Variants in PDE4B observed in about 807,000 individuals in gnomAD.
PDE4B encodes phosphodiesterase 4B.
In PDE4B, 20 loss-of-function variants were observed where a neutral mutation model predicts 82.2. That is an observed-to-expected ratio of 0.24 (90% CI 0.17 to 0.35). PDE4B has a LOEUF of 0.35. PDE4B is among the 10% of genes least tolerant of loss of function. PDE4B has a pLI of 1.00. For missense variants in PDE4B, 655 were observed against 907.2 expected (o/e 0.72, Z 3.57); for synonymous variants, 320 against 318.9 (o/e 1.00, Z -0.04).
intron 3 of PDE4B, among the ~76,000 whole-genome samples, chr1:66,048,253 T>C (rs1654821473): frequency 6.6e-6 from 1 of 151,904 alleles, no homozygotes; most frequent in South Asian, 2.1e-4. Flanking sequence ...GAGTAAACTT[T>C]TCCTTTTGCA....
chr1:66,168,607 T>C (rs959617624), intron 3 of PDE4B, among the ~76,000 whole-genome samples: 6 of 152,138 alleles, frequency 3.9e-5, no homozygotes, highest in African/African-American at 1.2e-4. Flanking sequence ...ATGAGGACCG[T>C]ACCTACCGTC....
intron 7 of PDE4B, among the ~76,000 whole-genome samples, chr1:66,278,914 CA>C (rs1020601648): frequency 7.9e-5 from 12 of 152,068 alleles, no homozygotes; most frequent in African/African-American, 2.7e-4. Flanking sequence ...TTGTATATCC[CA>C]GGGGAAAATA....
intron 3 of PDE4B, among the ~76,000 whole-genome samples, chr1:66,125,053 A>G (rs1570293388): frequency 7.6e-6 from 1 of 132,252 alleles, no homozygotes; most frequent in Non-Finnish European, 1.6e-5. Context: ...TTACCTTACT[A>G]TTTTTTTTTT....
intron 3 of PDE4B, among the ~76,000 whole-genome samples, chr1:65,981,195 G>A (rs1234219708): frequency 6.6e-6 from 1 of 152,034 alleles, no homozygotes; most frequent in South Asian, 2.1e-4. Context: ...CATAAGAAAC[G>A]TTTCTAGATT....
At chr1:66,271,741 T>C (rs2101749300) in intron 7 of PDE4B, among the ~76,000 whole-genome samples, 1 of 152,314 alleles carries the variant, frequency 6.6e-6, no homozygotes, top group South Asian at 2.1e-4. Flanking sequence ...ATTGAGACCA[T>C]GAAGGGAGGT....
chr1:65,911,829 T>G (rs1490786280), intron 1 of PDE4B, among the ~76,000 whole-genome samples: 1 of 152,162 alleles, frequency 6.6e-6, no homozygotes, highest in African/African-American at 2.4e-5. Context: ...TCTTATCTAC[T>G]TTGTCAGTTT....
chr1:65,836,096 C>T (rs1646136182), intron 1 of PDE4B, among the ~76,000 whole-genome samples: 1 of 152,052 alleles, frequency 6.6e-6, no homozygotes, highest in Admixed American at 6.6e-5. Flanking sequence ...CACACACCAC[C>T]ACACCTGGCT....
intron 3 of PDE4B, among the ~76,000 whole-genome samples, chr1:66,184,894 T>G: frequency 6.6e-6 from 1 of 152,084 alleles, no homozygotes; most frequent in African/African-American, 2.4e-5. Flanking sequence ...AACGTGCATG[T>G]TTGTTGCATA....
At chr1:65,935,677 C>T (rs1411841922) in intron 3 of PDE4B, among the ~76,000 whole-genome samples, 1 of 152,160 alleles carries the variant, frequency 6.6e-6, no homozygotes, top group Non-Finnish European at 1.5e-5. Context: ...TGTGGTGGCT[C>T]ATGCCTGTAA....
rs753506416 is a variant in PDE4B at position 66,266,901 on chromosome 1, C to T, written c.634+814C>T. On this transcript the variant is annotated intron_variant, in intron 7 of 16. Transcript: ENST00000341517. ...GAGAAACAATTAAGATGAACTCACA[C>T]TGAGATCACCTAATGCCTGACACCT... 7.0e-5 allele frequency: 22 copies of T among 314,662 alleles called. No homozygotes were observed. In the Admixed American group the frequency reaches 9.5e-4, roughly 14 times the overall value. 19.5% of individuals were successfully genotyped at this position (314,662 alleles called of 1,614,324 possible). A position where few individuals can be genotyped will look rare whatever the true frequency, so the allele number is the denominator to read the frequency against.
At chr1:66,110,776 C>G (rs1391670165) in intron 3 of PDE4B, among the ~76,000 whole-genome samples, 1 of 152,060 alleles carries the variant, frequency 6.6e-6, no homozygotes, top group Non-Finnish European at 1.5e-5. Context: ...AGTAAGCACT[C>G]AATGTAAATA....
At chr1:66,258,545 G>A (rs577951851) in intron 6 of PDE4B, among the ~76,000 whole-genome samples, 15 of 152,258 alleles carry the variant, frequency 9.9e-5, no homozygotes, top group Non-Finnish European at 1.9e-4. Flanking sequence ...AAAGGTCAGA[G>A]AGTCATAGAA....
chr1:66,058,435 C>A (rs1655415849), intron 3 of PDE4B, among the ~76,000 whole-genome samples: 1 of 152,258 alleles, frequency 6.6e-6, no homozygotes, highest in African/African-American at 2.4e-5. Flanking sequence ...AGTAGGGACT[C>A]TGTGTGGGGG....
chr1:66,108,288 T>C (rs780159965), intron 3 of PDE4B, among the ~76,000 whole-genome samples: 1 of 151,914 alleles, frequency 6.6e-6, no homozygotes, highest in Non-Finnish European at 1.5e-5. Context: ...TGATTTCTTT[T>C]TTTTAGATTC....
rs1285085371 is a variant in PDE4B at position 65,928,254 on chromosome 1, T to C, written c.281+9419T>C. Among the ~76,000 whole-genome samples the C allele has an allele frequency of 7.2e-5, 11 of 152,218 alleles. No individual in the cohort carries two copies. The South Asian group carries it at 1.9e-3, about 26-fold the overall frequency. On this transcript the variant is annotated intron_variant, in intron 3 of 16. Transcript: ENST00000341517. Reference sequence around the variant, plus strand: ...AAACTGGCTCAAGTCTGGAAATCGATTGAGGGGCCATTATTCTCTGTTTTT... The same window carrying C: ...AAACTGGCTCAAGTCTGGAAATCGACTGAGGGGCCATTATTCTCTGTTTTT...
chr1:65,866,685 A>G (rs1040735054), intron 1 of PDE4B, among the ~76,000 whole-genome samples: 13 of 152,252 alleles, frequency 8.5e-5, no homozygotes, highest in Non-Finnish European at 1.2e-4. Flanking sequence ...TCCTGGAAAG[A>G]CAACAGAGGA....
intron 1 of PDE4B, among the ~76,000 whole-genome samples, chr1:65,844,001 A>G (rs1377515159): frequency 1.3e-5 from 2 of 152,264 alleles, no homozygotes; most frequent in East Asian, 3.9e-4. Flanking sequence ...TTAAAGTTTC[A>G]GGTAGTTCAG....
chr1:66,232,802 T>TTA (rs1444234959), intron 3 of PDE4B, among the ~76,000 whole-genome samples: 1 of 152,188 alleles, frequency 6.6e-6, no homozygotes, highest in Non-Finnish European at 1.5e-5. Flanking sequence ...GAGGGATTTA[T>TTA]TATGAAGTGT....
At chr1:66,097,174 C>T (rs1645134972) in intron 3 of PDE4B, among the ~76,000 whole-genome samples, 2 of 151,950 alleles carry the variant, frequency 1.3e-5, no homozygotes, top group African/African-American at 2.4e-5. Context: ...AAGAAACTGC[C>T]AAACTGTTTT....
Sources: gnomAD v4.1 joint callset for allele counts (sites outside exome capture counted in the v4.1 genomes callset) on GRCh38, gnomAD v4.1.1 for gene constraint, MANE v1.5 for transcripts, NCBI Gene and HGNC (gene_info 2026-07-23, HGNC 2026-07-21) for gene names.